SLC35H1: variants seen among roughly 807,000 people sequenced by gnomAD.
SLC35H1 encodes the protein solute carrier family 35 member H1.
At chr20:46,349,441 TAC>T in the SLC35H1 span, 1 of 152,272 alleles carries the variant, frequency 6.6e-6, no homozygotes. Context: ...CACACAGACG[TAC>T]ACAGACTTGG....
the SLC35H1 span, chr20:46,350,197 T>C: frequency 3.5e-3 from 1,783 of 514,396 alleles, 24 homozygotes; most frequent in African/African-American, 0.031. Flanking sequence ...AGTCCCAGGC[T>C]GGCCTGGTGC....
At chr20:46,350,956 G>A in the SLC35H1 span, 1 of 1,589,718 alleles carries the variant, frequency 6.3e-7, no homozygotes, top group Non-Finnish European at 8.6e-7. Flanking sequence ...CCAGGAGGGT[G>A]GAAGGTGGGG....
At chr20:46,362,436 G>T in the SLC35H1 span, among the ~76,000 whole-genome samples, 1 of 152,130 alleles carries the variant, frequency 6.6e-6, no homozygotes, top group African/African-American at 2.4e-5. Context: ...ACTGTAACTT[G>T]GGCAGCATGG....
chr20:46,354,944 G>A, the SLC35H1 span: 32 of 1,613,786 alleles, frequency 2.0e-5, no homozygotes, highest in African/African-American at 4.0e-5. Flanking sequence ...GTGGAACATG[G>A]TGTCGATGGG....
At chr20:46,350,309 A>G in the SLC35H1 span, 1 of 1,483,332 alleles carries the variant, frequency 6.7e-7, no homozygotes, top group African/African-American at 1.4e-5. Flanking sequence ...CCCAGCTACC[A>G]TGATGAGCCC....
chr20:46,350,342 G>A, the SLC35H1 span: 3 of 1,546,342 alleles, frequency 1.9e-6, no homozygotes, highest in Admixed American at 1.9e-5. Context: ...CACAGTGAGT[G>A]CTGGCAGCAG....
At chr20:46,358,506 T>G in the SLC35H1 span, 1 of 1,614,122 alleles carries the variant, frequency 6.2e-7, no homozygotes, top group Non-Finnish European at 8.5e-7. Flanking sequence ...CACCTCCCCA[T>G]TCGTGGCGGC....
At chr20:46,356,905 G>A in the SLC35H1 span, among the ~76,000 whole-genome samples, 24 of 152,326 alleles carry the variant, frequency 1.6e-4, 1 homozygote, top group Admixed American at 5.2e-4. Flanking sequence ...CCCCCTGAGC[G>A]GAGGTATTAA....
the SLC35H1 span, chr20:46,358,917 T>A: frequency 7.8e-6 from 5 of 638,716 alleles, no homozygotes; most frequent in Non-Finnish European, 1.4e-5. Context: ...TCTGCTGTCT[T>A]GTCACCTCAA....
the SLC35H1 span, chr20:46,350,644 T>C: frequency 2.3e-5 from 19 of 820,078 alleles, no homozygotes; most frequent in Non-Finnish European, 3.4e-5. Context: ...GACCCCCACA[T>C]CTTCCTAGAG....
chr20:46,362,550 A>G, the SLC35H1 span, among the ~76,000 whole-genome samples: 2 of 152,174 alleles, frequency 1.3e-5, no homozygotes, highest in African/African-American at 2.4e-5. Context: ...CTCTGGACTC[A>G]GTTTCTCCAA....
At chr20:46,352,069 G>C in the SLC35H1 span, 1 of 1,614,208 alleles carries the variant, frequency 6.2e-7, no homozygotes, top group Admixed American at 1.7e-5. Flanking sequence ...TGCCGGCAAT[G>C]GAGAGAGTGA....
chr20:46,359,051 C>T, the SLC35H1 span: 1,667 of 417,286 alleles, frequency 4.0e-3, 23 homozygotes, highest in African/African-American at 0.031. Context: ...ACCCTTCTTT[C>T]GGCTCCCATG....
the SLC35H1 span, chr20:46,348,957 T>C: frequency 6.6e-6 from 1 of 152,230 alleles, no homozygotes; most frequent in Non-Finnish European, 1.5e-5. Flanking sequence ...TGCAGACCCA[T>C]TTTTAAAGTA....
At chr20:46,352,499 G>C in the SLC35H1 span, 14 of 400,978 alleles carry the variant, frequency 3.5e-5, no homozygotes, top group African/African-American at 2.8e-4. Context: ...CTAGCGGGAT[G>C]ATGGGACCCT....
At chr20:46,358,500 T>TCCCC in the SLC35H1 span, 1 of 1,614,102 alleles carries the variant, frequency 6.2e-7, no homozygotes, top group Non-Finnish European at 8.5e-7. Context: ...AGGGCCCACC[T>TCCCC]CCCCATTCGT....
the SLC35H1 span, chr20:46,350,547 G>C: frequency 1.3e-6 from 2 of 1,566,886 alleles, no homozygotes; most frequent in Non-Finnish European, 1.7e-6. Flanking sequence ...AGAGACCACA[G>C]TTACAGGCCC....
the SLC35H1 span, chr20:46,358,607 C>T: frequency 6.3e-7 from 1 of 1,588,612 alleles, no homozygotes; most frequent in East Asian, 2.3e-5. Flanking sequence ...CCACAGCTTT[C>T]ACCAAGAACG....
At chr20:46,360,010 A>G in the SLC35H1 span, among the ~76,000 whole-genome samples, 3 of 152,236 alleles carry the variant, frequency 2.0e-5, no homozygotes, top group South Asian at 6.2e-4. Context: ...GGAGCTTTGG[A>G]AACCTGTGGC....
Sources: gnomAD v4.1 joint callset for allele counts (sites outside exome capture counted in the v4.1 genomes callset) on GRCh38, gnomAD v4.1.1 for gene constraint, MANE v1.5 for transcripts, NCBI Gene and HGNC (gene_info 2026-07-23, HGNC 2026-07-21) for gene names.